NDOR1: variants seen among roughly 807,000 people sequenced by gnomAD.
NDOR1 encodes the protein NADPH dependent diflavin oxidoreductase 1, also known as NADPH-dependent diflavin oxidoreductase 1.
Under a neutral mutation model 67.2 loss-of-function variants are expected in NDOR1, and 61 were observed. The ratio of observed to expected loss-of-function variants is 0.91; its 90% CI spans 0.74 to 1.12. The LOEUF is 1.12. Among genes scored for constraint, NDOR1 ranks in the 50% most tolerant of loss-of-function variants. The pLI, the probability that NDOR1 is intolerant of heterozygous loss-of-function variation, is 0.00. For missense variants in NDOR1, 878 were observed against 802.8 expected, an observed-to-expected ratio of 1.09 and a Z score of -1.13; for synonymous variants, 378 against 343.7, an observed-to-expected ratio of 1.10 and a Z score of -1.10.
Position 137,215,109 on chromosome 9 carries a change from C to T in NDOR1, c.1080C>T (p.Phe360=), listed in dbSNP as rs1448512853. Residue 360 remains phenylalanine (F), a synonymous_variant, in exon 9 of 14, where the codon TTC becomes TTT. Coordinates refer to ENST00000684003, the MANE Select transcript of NDOR1 (RefSeq NM_014434.4). ...RRTILEVLCD[F]PHTAAAIPPD... Reference sequence around the variant, plus strand: ...TCTTTGCCTAGGTGCTCTGTGACTTCCCGCACACAGCTGCCGCCATCCCTC... The same window carrying T: ...TCTTTGCCTAGGTGCTCTGTGACTTTCCGCACACAGCTGCCGCCATCCCTC... The T allele has an allele frequency of 2.5e-6, 4 of 1,613,828 alleles. No homozygotes were observed. The highest frequency in any genetic ancestry group is 3.4e-6 in the Non-Finnish European group (4 of 1,179,984).
chr9:137,211,255 T>C (rs1835240938), intron 2 of NDOR1, among the ~76,000 whole-genome samples: 2 of 152,006 alleles, frequency 1.3e-5, no homozygotes, highest in African/African-American at 4.8e-5. Context: ...GAGAAGACAA[T>C]GGTGGAGAGG....
chr9:137,213,940 C>T (rs1174607532), intron 4 of NDOR1, 27 bp from the exon 5 acceptor site: 7 of 1,575,834 alleles, frequency 4.4e-6, no homozygotes, highest in Admixed American at 1.9e-5. Flanking sequence ...AGGGTCCGCT[C>T]AGGCCAGCGC....
Position 137,215,686 on chromosome 9 carries a change from G to A in NDOR1, c.1316G>A (p.Arg439Gln), listed in dbSNP as rs750400712. Reference protein sequence around the residue: ...QGPVRVPLWVRPGSLAFPETP... With the variant: ...QGPVRVPLWVQPGSLAFPETP... ...CCTGTCCGGGTGCCCCTCTGGGTGC[G>A]GCCTGGGAGTCTGGCCTTCCCAGAG... Residue 439 changes from arginine to glutamine, a missense_variant, in exon 11 of 14, where the codon CGG (arginine) becomes CAG (glutamine). Transcript: ENST00000684003. 3.7e-5 allele frequency: 58 copies of A among 1,578,762 alleles called. No individual in the cohort carries two copies. In the East Asian group the frequency reaches 4.0e-4, roughly 11 times the overall value.
At chr9:137,209,725 A>T (rs1339989287) in intron 2 of NDOR1, among the ~76,000 whole-genome samples, 1 of 152,198 alleles carries the variant, frequency 6.6e-6, no homozygotes, top group South Asian at 2.1e-4. Context: ...AGGTGCCCCC[A>T]GCAGCAGACA....
rs1428581976 is a variant in NDOR1, at chr9:137,218,133, G to A, written c.*1717G>A. The A allele has an allele frequency of 7.5e-6, 3 of 397,854 alleles. No individual in the cohort carries two copies. Among genetic ancestry groups the A allele is most frequent in the Non-Finnish European group, 1.3e-5 (3 of 225,920 alleles). The allele number at this position is 397,854 out of a possible 1,614,324, so 24.6% of individuals were successfully genotyped here. A position where few individuals can be genotyped will look rare whatever the true frequency, so the allele number is the denominator to read the frequency against. ...GAGCGCCGCCTGGCCCTGCTGAACT[G>A]TAGCCACGGCCTGTGTGTGGGCTGC... is the stretch of plus-strand genomic sequence containing the variant. On this transcript the variant is annotated 3_prime_UTR_variant, in exon 14 of 14. Coordinates refer to ENST00000684003, the MANE Select transcript of NDOR1 (RefSeq NM_014434.4).
In NDOR1 at chr9:137,218,383, C is replaced by A. The variant is rs1356689893; in HGVS notation, c.*1967C>A. ...TGGAGCACCGCTACCAGCTGCGCTTCCTGGCAGGGCCCGTGGGCGGCCGGG... is the reference window on the plus strand; with the variant it reads ...TGGAGCACCGCTACCAGCTGCGCTTACTGGCAGGGCCCGTGGGCGGCCGGG... On this transcript the variant is annotated 3_prime_UTR_variant, in exon 14 of 14. Coordinates refer to ENST00000684003, the MANE Select transcript of NDOR1 (RefSeq NM_014434.4). The A allele has an allele frequency of 1.0e-5, 4 of 398,494 alleles. No homozygotes were observed. The South Asian group carries it at 5.1e-4, about 51-fold the overall frequency. 24.7% of individuals were successfully genotyped at this position (398,494 alleles called of 1,614,324 possible).
At chr9:137,211,576 CTT>C (rs1022212168) in intron 2 of NDOR1, among the ~76,000 whole-genome samples, 2 of 151,998 alleles carry the variant, frequency 1.3e-5, no homozygotes, top group African/African-American at 4.8e-5. Context: ...GGAAGAGAGT[CTT>C]TTGGGATTCA....
In NDOR1 at chr9:137,216,362, G is replaced by T; in HGVS notation, c.1740G>T (p.Ala580=). Residue 580 remains alanine (A), a synonymous_variant, in exon 14 of 14, where the codon GCG becomes GCT. Transcript: ENST00000684003. ...EGGLCSPDAA[A]YLARLQQTRR... ...GACTCTGCAGCCCGGACGCAGCCGC[G>T]TATCTAGCCAGGCTCCAGCAGACAC... The T allele has an allele frequency of 6.2e-7, 1 of 1,608,710 alleles. No homozygotes were observed. Among genetic ancestry groups the T allele is most frequent in the Non-Finnish European group, 8.5e-7 (1 of 1,179,930 alleles).
rs762475167 is a variant in NDOR1 at position 137,214,228 on chromosome 9, G to A, written c.537G>A (p.Leu179=). 5 of 1,612,374 alleles carry A rather than the reference G, an allele frequency of 3.1e-6. No individual in the cohort carries two copies. The African/African-American group carries it at 4.0e-5, about 13-fold the overall frequency. The change falls in exon 6 of 14, where the codon CTG becomes CTA. Residue 179 remains leucine, a synonymous_variant. Transcript: ENST00000684003. ...GVPLPSKFTL[L]FLQEAPSTGS... is the part of the protein sequence containing the mutation. ...GCCTGCCCTCCAAGTTCACCCTGCTGTTCCTCCAAGAGGCACCCAGCACGG... is the reference window on the plus strand; with the variant it reads ...GCCTGCCCTCCAAGTTCACCCTGCTATTCCTCCAAGAGGCACCCAGCACGG...
At chr9:137,206,175 G>C (rs1834954200) in intron 1 of NDOR1, 57 bp from the exon 2 acceptor site, 2 of 1,602,076 alleles carry the variant, frequency 1.2e-6, no homozygotes, top group African/African-American at 2.7e-5. Flanking sequence ...CAAGTTTTGG[G>C]AAGGACGCCC....
intron 2 of NDOR1, among the ~76,000 whole-genome samples, chr9:137,206,915 C>T (rs1280831949): frequency 6.6e-6 from 1 of 152,114 alleles, no homozygotes; most frequent in African/African-American, 2.4e-5. Context: ...GCTAGTCAGG[C>T]ACCGAGGAAG....
chr9:137,215,903 C>T lies in NDOR1; in HGVS notation c.1440C>T (p.Asn480=), dbSNP rs1239273445. 3 of 1,613,448 alleles carry T rather than the reference C, an allele frequency of 1.9e-6. No individual in the cohort carries two copies. The highest frequency in any genetic ancestry group is 1.3e-5 in the African/African-American group (1 of 75,074). The change falls in exon 12 of 14, where the codon AAC becomes AAT. Residue 480 remains asparagine, a synonymous_variant. Coordinates refer to ENST00000684003, the MANE Select transcript of NDOR1 (RefSeq NM_014434.4). ...GAGCACCCTGTATTTCCCTAGGAAA[C>T]TTCTTGTTTTTTGGCTGCCGCTGGC... ...QERVAQGQTG[N]FLFFGCRWRD...
At position 137,205,760 on chromosome 9, in the gene NDOR1, A is replaced by T. The variant is rs762370459; in HGVS notation, c.-18A>T. 2 of 1,601,974 alleles carry T rather than the reference A, an allele frequency of 1.2e-6. No individual in the cohort carries two copies. The highest frequency in any genetic ancestry group is 1.1e-5 in the South Asian group (1 of 91,078). ...CTTCTAGTTTTTAGTCTCAGACCAG[A>T]CCACCGGGCGCACCCCGATGCCGAG... On this transcript the variant is annotated 5_prime_UTR_variant, in exon 1 of 14. Transcript: ENST00000684003.
At chr9:137,208,104 G>A (rs549554484) in intron 2 of NDOR1, among the ~76,000 whole-genome samples, 19 of 145,580 alleles carry the variant, frequency 1.3e-4, no homozygotes, top group South Asian at 1.3e-3. Context: ...CTGAGATTGC[G>A]CCACTGCACT....
chr9:137,219,241 G>A lies in NDOR1; in HGVS notation c.*2825G>A, dbSNP rs967399117. The A allele has an allele frequency of 2.0e-4, 31 of 152,272 alleles. No individual in the cohort carries two copies. The highest frequency in any genetic ancestry group is 7.2e-4 in the African/African-American group (30 of 41,448). The allele number at this position is 152,272 out of a possible 1,614,324, so 9.4% of individuals were successfully genotyped here. On this transcript the variant is annotated 3_prime_UTR_variant, in exon 14 of 14. Transcript: ENST00000684003. ...GGCCCACCCAGGCCTTGGAACATAA[G>A]CTCTGCCCCTGCACACCCTCATGTC... is the stretch of plus-strand genomic sequence containing the variant.
rs929616311 is a variant in NDOR1, at chr9:137,219,313, G to A, written c.*2897G>A. The stretch of plus-strand genomic sequence containing the variant: ...TCAGGTGGCCCAGCGAGAGATGGAG[G>A]ACTGATCCTGGAACGTGAAGCAGCT... On this transcript the variant is annotated 3_prime_UTR_variant, in exon 14 of 14. Coordinates refer to ENST00000684003, the MANE Select transcript of NDOR1 (RefSeq NM_014434.4). The A allele has an allele frequency of 2.6e-5, 4 of 152,142 alleles. 1 individual carries two copies. Among genetic ancestry groups the A allele is most frequent in the South Asian group, 4.1e-4 (2 of 4,832 alleles). The allele number at this position is 152,142 out of a possible 1,614,324, so 9.4% of individuals were successfully genotyped here.
chr9:137,205,973 G>A, intron 1 of NDOR1, 61 bp downstream of exon 1: 1 of 1,506,118 alleles, frequency 6.6e-7, no homozygotes, highest in Non-Finnish European at 8.8e-7. Context: ...CCGCCTCGCG[G>A]GGTCATCGAC....
chr9:137,209,074 G>A (rs1168648355), intron 2 of NDOR1, among the ~76,000 whole-genome samples: 3 of 152,060 alleles, frequency 2.0e-5, no homozygotes, highest in Non-Finnish European at 4.4e-5. Context: ...GTAGAGATCG[G>A]GTTTCACCGT....
At position 137,214,279 on chromosome 9, in the gene NDOR1, C is replaced by G. The variant is rs747465562; in HGVS notation, c.588C>G (p.His196Gln). The G allele has an allele frequency of 6.2e-7, 1 of 1,613,846 alleles. No homozygotes were observed. Among genetic ancestry groups the G allele is most frequent in the Non-Finnish European group, 8.5e-7 (1 of 1,180,016 alleles). Residue 196 changes from histidine to glutamine, a missense_variant, in exon 6 of 14, where the codon CAC (histidine) becomes CAG (glutamine). Physicochemically the swap from His to Gln is conservative, Grantham distance 24 (BLOSUM62 0). Coordinates refer to ENST00000684003, the MANE Select transcript of NDOR1 (RefSeq NM_014434.4). The part of the protein sequence containing the change: ...STGSEGQRVA[H>Q]PGSQEPPSES... ...GCTCTGAGGGGCAGCGGGTAGCTCA[C>G]CCCGGCTCTCAGGAGCCCCCGTCAG...
Sources: gnomAD v4.1 joint callset for allele counts (sites outside exome capture counted in the v4.1 genomes callset) on GRCh38, gnomAD v4.1.1 for gene constraint, MANE v1.5 for transcripts, NCBI Gene and HGNC (gene_info 2026-07-23, HGNC 2026-07-21) for gene names.